SOX6: variants seen among roughly 807,000 people sequenced by gnomAD.
The protein encoded by SOX6 is transcription factor SOX-6.
In SOX6, 11 loss-of-function variants were observed where a neutral mutation model predicts 97.8. That is an observed-to-expected ratio of 0.11 (90% CI 0.07 to 0.19). The LOEUF is 0.19. Among genes scored for constraint, SOX6 ranks in the 10% least tolerant of loss-of-function variants. The pLI is 1.00. For missense variants in SOX6, 810 were observed against 1,039.5 expected, an observed-to-expected ratio of 0.78 and a Z score of 3.04; for synonymous variants, 360 against 371.4, an observed-to-expected ratio of 0.97 and a Z score of 0.35.
intron 1 of SOX6, among the ~76,000 whole-genome samples, chr11:16,397,107 A>T (rs1858383146): frequency 6.6e-6 from 1 of 151,408 alleles, no homozygotes; most frequent in African/African-American, 2.4e-5. Context: ...GAAAAAAACA[A>T]GAGAGTTTGT....
chr11:16,211,612 T>C (rs557375838), intron 4 of SOX6, among the ~76,000 whole-genome samples: 19 of 152,254 alleles, frequency 1.2e-4, no homozygotes, highest in African/African-American at 4.3e-4. Context: ...ATCTGGAGAA[T>C]GTAGTTGTAT....
intron 3 of SOX6, among the ~76,000 whole-genome samples, chr11:16,295,149 G>A (rs879556403): frequency 5.3e-5 from 8 of 152,048 alleles, no homozygotes; most frequent in African/African-American, 7.2e-5. Flanking sequence ...AAGGAATTGA[G>A]AGAAACTATT....
At chr11:16,358,816 C>G (rs1392549237), upstream of SOX6, among the ~76,000 whole-genome samples, 1 of 152,044 alleles carries the variant, frequency 6.6e-6, no homozygotes, top group Non-Finnish European at 1.5e-5. Flanking sequence ...ATTTTATTAG[C>G]CTATGACTCT....
chr11:16,516,544 A>G (rs897811917), intron 4 of SOX6, among the ~76,000 whole-genome samples: 2 of 152,244 alleles, frequency 1.3e-5, no homozygotes, highest in Middle Eastern at 3.4e-3. Flanking sequence ...AGAATACTAC[A>G]AACACCTCTA....
intron 13 of SOX6, among the ~76,000 whole-genome samples, chr11:16,007,986 C>G (rs932973940): frequency 2.0e-5 from 3 of 152,048 alleles, no homozygotes; most frequent in Non-Finnish European, 4.4e-5. Context: ...TACTCAGTAT[C>G]TGAAAGAGAT....
chr11:16,435,367 C>A (rs1191065445), intron 1 of SOX6, among the ~76,000 whole-genome samples: 2 of 152,138 alleles, frequency 1.3e-5, no homozygotes, highest in East Asian at 3.8e-4. Context: ...ATTGTCTTCA[C>A]ATAATGATAT....
intron 12 of SOX6, among the ~76,000 whole-genome samples, chr11:16,021,189 T>A (rs1855049628): frequency 6.6e-6 from 1 of 152,182 alleles, no homozygotes; most frequent in South Asian, 2.1e-4. Context: ...ATACTACATA[T>A]CATAGATGCT....
intron 4 of SOX6, among the ~76,000 whole-genome samples, chr11:16,488,673 T>C (rs1035932351): frequency 1.3e-5 from 2 of 152,168 alleles, no homozygotes; most frequent in African/African-American, 4.8e-5. Flanking sequence ...AGGAGCTTAG[T>C]TGCACACTAC....
intron 4 of SOX6, among the ~76,000 whole-genome samples, chr11:16,234,311 GT>G (rs1487025514): frequency 6.6e-6 from 1 of 152,010 alleles, no homozygotes; most frequent in African/African-American, 2.4e-5. Context: ...TTAACATAAG[GT>G]TTTTATACTT....
At chr11:16,542,801 T>C (rs1317765488) in intron 4 of SOX6, among the ~76,000 whole-genome samples, 3 of 152,206 alleles carry the variant, frequency 2.0e-5, no homozygotes, top group Non-Finnish European at 4.4e-5. Flanking sequence ...CAATGCTCTG[T>C]ACCATTAGAA....
At chr11:16,054,292 C>T (rs539038024) in intron 10 of SOX6, among the ~76,000 whole-genome samples, 9 of 152,198 alleles carry the variant, frequency 5.9e-5, no homozygotes, top group Admixed American at 2.0e-4. Context: ...TTAACAACTA[C>T]GAGTAAGCAA....
At chr11:16,299,969 T>G (rs1855208456) in intron 3 of SOX6, among the ~76,000 whole-genome samples, 1 of 151,008 alleles carries the variant, frequency 6.6e-6, no homozygotes, top group Admixed American at 6.6e-5. Flanking sequence ...AATGTGAAAT[T>G]TGTTTGGGGT....
chr11:15,997,403 T>C (rs1230341856), intron 13 of SOX6, among the ~76,000 whole-genome samples: 1 of 152,216 alleles, frequency 6.6e-6, no homozygotes, highest in Non-Finnish European at 1.5e-5. Context: ...GACAGAGGTT[T>C]GAGTGTAAGT....
chr11:16,031,041 T>G (rs1855359350), intron 12 of SOX6, among the ~76,000 whole-genome samples: 1 of 152,156 alleles, frequency 6.6e-6, no homozygotes, highest in African/African-American at 2.4e-5. Context: ...TTGTAAAGTC[T>G]TTTCCCACAT....
chr11:16,683,844 AG>A (rs1363303841), intron 3 of SOX6, among the ~76,000 whole-genome samples: 1 of 152,042 alleles, frequency 6.6e-6, no homozygotes, highest in Non-Finnish European at 1.5e-5. Flanking sequence ...CATCTGACAA[AG>A]GGCTAATATC....
At chr11:16,061,441 C>T (rs187628498) in intron 9 of SOX6, among the ~76,000 whole-genome samples, 38 of 151,622 alleles carry the variant, frequency 2.5e-4, no homozygotes, top group African/African-American at 8.5e-4. Flanking sequence ...TTAGAAGAAC[C>T]GGTATTGTTA....
intron 4 of SOX6, among the ~76,000 whole-genome samples, chr11:16,223,993 T>C (rs1256704385): frequency 6.6e-6 from 1 of 152,108 alleles, no homozygotes; most frequent in Non-Finnish European, 1.5e-5. Context: ...TGTGTAAGAA[T>C]ACTTTGGATC....
At chr11:15,994,367 G>T (rs1590115729) in intron 13 of SOX6, among the ~76,000 whole-genome samples, 1 of 147,938 alleles carries the variant, frequency 6.8e-6, no homozygotes, top group African/African-American at 2.5e-5. Context: ...AAGGCACAGG[G>T]TTATAAAAAA....
chr11:16,627,090 T>C (rs1469814943), intron 3 of SOX6, among the ~76,000 whole-genome samples: 1 of 152,246 alleles, frequency 6.6e-6, no homozygotes, highest in Admixed American at 6.5e-5. Context: ...TTTCTATTCC[T>C]GTGTTAATTC....
Sources: allele counts gnomAD v4.1 joint callset (sites outside exome capture counted in the v4.1 genomes callset), GRCh38; gene constraint gnomAD v4.1.1; transcripts MANE v1.5; gene names NCBI Gene and HGNC (gene_info 2026-07-23, HGNC 2026-07-21).